Variants in VCL observed in about 807,000 individuals in gnomAD.
VCL encodes the protein epididymis luminal protein 114.
VCL carries 47 observed loss-of-function variants against 125.7 expected under a neutral mutation model. The ratio of observed to expected loss-of-function variants is 0.37; its 90% confidence interval spans 0.30 to 0.48. The LOEUF (loss-of-function observed/expected upper bound fraction) is 0.48. Ranked by LOEUF, VCL falls within the 20% of genes least tolerant of loss-of-function variation. VCL has a pLI of 0.99. For synonymous variants in VCL, 458 were observed against 514.6 expected (o/e 0.89, Z 1.49); for missense variants, 1,069 against 1,455.5 (o/e 0.73, Z 4.32).
At chr10:74,079,584 T>C (rs553158237) in intron 6 of VCL, among the ~76,000 whole-genome samples, 2 of 152,348 alleles carry the variant, frequency 1.3e-5, no homozygotes, top group African/African-American at 4.8e-5. Flanking sequence ...CCAAATTGAC[T>C]TCTGTCCTAG....
chr10:74,038,140 G>T (rs755953739), intron 1 of VCL, among the ~76,000 whole-genome samples: 8 of 152,058 alleles, frequency 5.3e-5, no homozygotes, highest in Non-Finnish European at 1.2e-4. Context: ...TGGGATTACA[G>T]GTGCCTGCCA....
Position 74,043,064 on chromosome 10 carries a change from A to AT in VCL, c.169-11dup, listed in dbSNP as rs753900484. The AT allele has an allele frequency of 7.9e-5, 127 of 1,606,664 alleles. No individual in the cohort carries two copies. The highest frequency in any genetic ancestry group is 1.7e-4 in the Admixed American group (10 of 59,924). On this transcript the variant is annotated intron_variant, in intron 1 of 21. Coordinates refer to ENST00000211998, the MANE Select transcript of VCL (RefSeq NM_014000.3). ...TCTGAGAATTTATATTTGAATTATG[A>AT]TTTTTTTTCCTCTTGTAGGTTGGAA...
chr10:74,000,683 G>A (rs1840210180), intron 1 of VCL, among the ~76,000 whole-genome samples: 1 of 152,172 alleles, frequency 6.6e-6, no homozygotes, highest in Admixed American at 6.5e-5. Flanking sequence ...AAAGTGCTGA[G>A]ATTACAGGCA....
chr10:74,018,887 G>A (rs572188271), intron 1 of VCL, among the ~76,000 whole-genome samples: 13 of 152,190 alleles, frequency 8.5e-5, no homozygotes, highest in Middle Eastern at 3.4e-3. Flanking sequence ...GCACAATCTG[G>A]CAGTAACTAG....
At chr10:74,036,016 GAC>G (rs1323046492) in intron 1 of VCL, among the ~76,000 whole-genome samples, 7 of 152,164 alleles carry the variant, frequency 4.6e-5, no homozygotes, top group Admixed American at 4.6e-4. Context: ...TTATATAAGA[GAC>G]AAGCATCTGT....
intron 1 of VCL, among the ~76,000 whole-genome samples, chr10:74,014,734 G>C (rs1372952780): frequency 6.6e-6 from 1 of 152,134 alleles, no homozygotes; most frequent in African/African-American, 2.4e-5. Flanking sequence ...TCACTCTGTT[G>C]TTCAGGCTGA....
chr10:74,096,328 G>C lies in VCL; in HGVS notation c.1743+473G>C, dbSNP rs149592125. Among the ~76,000 whole-genome samples, 611 of 151,884 alleles carry C rather than the reference G, an allele frequency of 4.0e-3. 3 individuals are homozygous for C. The highest frequency in any genetic ancestry group is 0.014 in the African/African-American group (574 of 41,444). On this transcript the variant is annotated intron_variant, in intron 12 of 21. Coordinates refer to ENST00000211998, the MANE Select transcript of VCL (RefSeq NM_014000.3). ...AGATCACGTCACTGCACTCCAGCCTGGGTGACAGAGCGAGACTCCATTTCA... is the reference window on the plus strand; with the variant it reads ...AGATCACGTCACTGCACTCCAGCCTCGGTGACAGAGCGAGACTCCATTTCA...
At chr10:73,998,922 C>T (rs1190231514) in intron 1 of VCL, among the ~76,000 whole-genome samples, 4 of 152,196 alleles carry the variant, frequency 2.6e-5, no homozygotes, top group Admixed American at 6.5e-5. Context: ...CCGCCTCGCC[C>T]ACCCCCGCTC....
At chr10:74,103,785 T>A (rs751884804) in intron 14 of VCL, 35 bp from the exon 15 acceptor site, 2 of 1,588,892 alleles carry the variant, frequency 1.3e-6, no homozygotes, top group Admixed American at 3.3e-5. Context: ...AGAGCAAGGG[T>A]GCTCTGGTGT....
At chr10:74,060,567 G>T (rs957854893) in intron 2 of VCL, among the ~76,000 whole-genome samples, 1 of 147,932 alleles carries the variant, frequency 6.8e-6, no homozygotes, top group African/African-American at 2.5e-5. Context: ...GAGGCAGGAG[G>T]ATTGCTTGAG....
intron 10 of VCL, 51 bp downstream of exon 10, chr10:74,090,249 C>G (rs528018717): frequency 1.3e-6 from 2 of 1,598,582 alleles, no homozygotes; most frequent in African/African-American, 1.3e-5. Context: ...TTCTCTTTCT[C>G]TCTCCCTTCC....
chr10:74,061,641 A>G (rs1047842580), intron 2 of VCL, among the ~76,000 whole-genome samples: 1 of 152,178 alleles, frequency 6.6e-6, no homozygotes, highest in Admixed American at 6.5e-5. Flanking sequence ...TCCTTTGGAA[A>G]CTTTAATTAC....
At chr10:74,052,457 A>G (rs1490854601) in intron 2 of VCL, among the ~76,000 whole-genome samples, 2 of 147,458 alleles carry the variant, frequency 1.4e-5, no homozygotes, top group Non-Finnish European at 3.0e-5. Context: ...GCTCACTGCA[A>G]CCTCCCCCTC....
At chr10:74,030,468 A>G (rs1300858012) in intron 1 of VCL, among the ~76,000 whole-genome samples, 1 of 152,246 alleles carries the variant, frequency 6.6e-6, no homozygotes, top group African/African-American at 2.4e-5. Flanking sequence ...AGAAGAGCAC[A>G]TTTATTAAAG....
chr10:74,015,457 G>A (rs1295317372), intron 1 of VCL, among the ~76,000 whole-genome samples: 1 of 152,114 alleles, frequency 6.6e-6, no homozygotes, highest in Non-Finnish European at 1.5e-5. Flanking sequence ...GGGAGACTGA[G>A]GCAGGAGAAT....
At chr10:74,072,694 C>T in intron 4 of VCL, 36 bp from the exon 5 acceptor site, 1 of 1,613,686 alleles carries the variant, frequency 6.2e-7, no homozygotes, top group Non-Finnish European at 8.5e-7. Flanking sequence ...GATTGTTTCA[C>T]TACTCACCCT....
intron 2 of VCL, among the ~76,000 whole-genome samples, chr10:74,062,283 T>C (rs969122584): frequency 1.3e-5 from 2 of 151,988 alleles, no homozygotes; most frequent in Non-Finnish European, 2.9e-5. Flanking sequence ...CAGGCTGGTC[T>C]TGAACTCCTG....
In VCL at chr10:74,118,290, A is replaced by G. The variant is rs1181615576; in HGVS notation, c.*121A>G. 8.2e-7 allele frequency: 1 copy of G among 1,225,804 alleles called. No individual in the cohort carries two copies. The highest frequency in any genetic ancestry group is 1.2e-6 in the Non-Finnish European group (1 of 853,652). 75.9% of individuals were successfully genotyped at this position (1,225,804 alleles called of 1,614,324 possible). A position where few individuals can be genotyped will look rare whatever the true frequency, so the allele number is the denominator to read the frequency against. ...AAATCACATCCTGGCCTGGCACATC[A>G]GAAAGGAATGGGGGCCTCTTCAAAT... is the stretch of plus-strand genomic sequence containing the variant. On this transcript the variant is annotated 3_prime_UTR_variant, in exon 22 of 22. Transcript: ENST00000211998.
At chr10:74,054,620 TAATAATAGTGA>T (rs1841362214) in intron 2 of VCL, among the ~76,000 whole-genome samples, 1 of 152,158 alleles carries the variant, frequency 6.6e-6, no homozygotes, top group Non-Finnish European at 1.5e-5. Flanking sequence ...GACCTTTAAG[TAATAATAGTGA>T]AATTTTAGGC....
Sources: gnomAD v4.1 joint callset for allele counts (sites outside exome capture counted in the v4.1 genomes callset) on GRCh38, gnomAD v4.1.1 for gene constraint, MANE v1.5 for transcripts, NCBI Gene and HGNC (gene_info 2026-07-23, HGNC 2026-07-21) for gene names.